The following VIPR2 variants were observed in gnomAD, a reference collection of about 807,000 sequenced individuals.
VIPR2 encodes vasoactive intestinal polypeptide receptor 2.
A neutral mutation model predicts 58.0 loss-of-function variants in VIPR2; 48 were observed. The observed-to-expected ratio is 0.83, with a 90% CI of 0.66 to 1.05. The LOEUF is 1.05. Ranked by LOEUF, VIPR2 falls within the 50% of genes least tolerant of loss-of-function variation. The pLI is 0.00. For missense variants in VIPR2, 534 were observed against 558.0 expected, an observed-to-expected ratio of 0.96 and a Z score of 0.43; for synonymous variants, 243 against 235.2, an observed-to-expected ratio of 1.03 and a Z score of -0.30.
At chr7:159,106,926 T>G (rs1456482993) in intron 3 of VIPR2, among the ~76,000 whole-genome samples, 48 of 92,942 alleles carry the variant, frequency 5.2e-4, no homozygotes, top group South Asian at 7.5e-4. Flanking sequence ...GCCAGGGAGG[T>G]GCAGAGAGAT....
intron 3 of VIPR2, among the ~76,000 whole-genome samples, chr7:159,104,216 G>A (rs1858482181): frequency 6.6e-6 from 1 of 152,158 alleles, no homozygotes; most frequent in Non-Finnish European, 1.5e-5. Flanking sequence ...CTGGAGCCAG[G>A]AGCCCAGCCT....
At chr7:159,057,752 G>A (rs1855405752) in intron 5 of VIPR2, among the ~76,000 whole-genome samples, 1 of 152,104 alleles carries the variant, frequency 6.6e-6, no homozygotes, top group South Asian at 2.1e-4. Flanking sequence ...CTGCCGTTCT[G>A]GGACCAAAAC....
chr7:159,064,465 A>G (rs1476107235), intron 4 of VIPR2, among the ~76,000 whole-genome samples: 1 of 151,924 alleles, frequency 6.6e-6, no homozygotes, highest in African/African-American at 2.4e-5. Flanking sequence ...GTGAGTGAGG[A>G]TGATGGCGGG....
Position 159,100,116 on chromosome 7 carries a change from T to C in VIPR2, c.357+3641A>G, listed in dbSNP as rs149381381. ...ATGTGGTCCCCAGCCAGGCGACTCC[T>C]GCAGGTGCCTTCAACCCACTCAGGG... On this transcript the variant is annotated intron_variant, in intron 4 of 12. Transcript: ENST00000262178. 3.1e-4 allele frequency among the ~76,000 whole-genome samples: 47 copies of C among 152,242 alleles called. No individual in the cohort carries two copies. The East Asian group carries it at 7.2e-3, about 23-fold the overall frequency.
At chr7:159,076,953 C>A (rs947815819) in intron 4 of VIPR2, among the ~76,000 whole-genome samples, 3 of 152,140 alleles carry the variant, frequency 2.0e-5, no homozygotes, top group Non-Finnish European at 4.4e-5. Context: ...CCTGGAGTGG[C>A]TTTTAAAAGT....
chr7:159,045,728 T>C (rs4266597), intron 5 of VIPR2, among the ~76,000 whole-genome samples: 16,424 of 152,178 alleles, frequency 0.11, 953 homozygotes, highest in Middle Eastern at 0.16. Flanking sequence ...TATGTTCTTA[T>C]GTATGATACC....
At chr7:159,083,637 G>A (rs548430469) in intron 4 of VIPR2, among the ~76,000 whole-genome samples, 63 of 152,306 alleles carry the variant, frequency 4.1e-4, no homozygotes, top group African/African-American at 1.2e-3. Context: ...CTGCTGTCCC[G>A]GGCAATCATG....
At chr7:159,080,441 T>A (rs951610027) in intron 4 of VIPR2, among the ~76,000 whole-genome samples, 55 of 151,784 alleles carry the variant, frequency 3.6e-4, no homozygotes, top group African/African-American at 1.3e-3. Flanking sequence ...AAACTCTCAA[T>A]AAATTAGGTA....
chr7:159,036,399 A>G (rs937878391), intron 7 of VIPR2, among the ~76,000 whole-genome samples: 1 of 152,120 alleles, frequency 6.6e-6, no homozygotes, highest in Admixed American at 6.5e-5. Flanking sequence ...AACCCTGGGC[A>G]AGGCAAGGCT....
chr7:159,076,465 T>G (rs538902437), intron 4 of VIPR2, among the ~76,000 whole-genome samples: 41 of 152,354 alleles, frequency 2.7e-4, no homozygotes, highest in African/African-American at 8.9e-4. Flanking sequence ...CTTTAGCCAT[T>G]TGAGCAAATT....
At chr7:159,132,243 GC>G (rs1796942445) in intron 2 of VIPR2, among the ~76,000 whole-genome samples, 1 of 143,392 alleles carries the variant, frequency 7.0e-6, no homozygotes, top group Non-Finnish European at 1.5e-5. Context: ...GGCGCGGGCA[GC>G]CCCCGGGCCA....
At chr7:159,080,316 C>T (rs150066530) in intron 4 of VIPR2, among the ~76,000 whole-genome samples, 2,054 of 152,078 alleles carry the variant, frequency 0.014, 27 homozygotes, top group Admixed American at 0.029. Context: ...GTTCAACATA[C>T]GAAAATCAAT....
chr7:159,061,569 A>G (rs1432961880), intron 4 of VIPR2, among the ~76,000 whole-genome samples: 1 of 151,868 alleles, frequency 6.6e-6, no homozygotes, highest in Non-Finnish European at 1.5e-5. Context: ...TAGGAGGATC[A>G]CCTGTGCCAG....
chr7:159,038,502 G>A (rs2129493165), intron 6 of VIPR2, among the ~76,000 whole-genome samples: 1 of 152,276 alleles, frequency 6.6e-6, no homozygotes. Context: ...TGATAACACA[G>A]CCATGGATGC....
At chr7:159,077,932 A>G (rs946640967) in intron 4 of VIPR2, among the ~76,000 whole-genome samples, 2 of 152,246 alleles carry the variant, frequency 1.3e-5, no homozygotes, top group African/African-American at 4.8e-5. Flanking sequence ...GAACATTTCC[A>G]ATTTTCCCTC....
intron 6 of VIPR2, among the ~76,000 whole-genome samples, chr7:159,040,328 C>T (rs893626948): frequency 3.9e-5 from 6 of 152,386 alleles, no homozygotes; most frequent in African/African-American, 1.4e-4. Flanking sequence ...CCTCCTCAGC[C>T]CCGTGGCCTT....
chr7:159,081,596 A>T (rs527488600), intron 4 of VIPR2, among the ~76,000 whole-genome samples: 1 of 152,354 alleles, frequency 6.6e-6, no homozygotes, highest in South Asian at 2.1e-4. Context: ...AGCAATGGCA[A>T]CAAAAGCCAA....
At chr7:159,070,688 G>A (rs1022937286) in intron 4 of VIPR2, among the ~76,000 whole-genome samples, 11 of 152,200 alleles carry the variant, frequency 7.2e-5, no homozygotes, top group Non-Finnish European at 1.3e-4. Flanking sequence ...GAGCTAGAAA[G>A]TGAGATGAAT....
intron 2 of VIPR2, among the ~76,000 whole-genome samples, chr7:159,138,271 G>A (rs963458025): frequency 2.0e-5 from 3 of 152,204 alleles, no homozygotes; most frequent in African/African-American, 7.2e-5. Flanking sequence ...CTCTGACAAA[G>A]AGAAACAAGC....
Sources: gnomAD v4.1 joint callset for allele counts (sites outside exome capture counted in the v4.1 genomes callset) on GRCh38, gnomAD v4.1.1 for gene constraint, MANE v1.5 for transcripts, NCBI Gene and HGNC (gene_info 2026-07-23, HGNC 2026-07-21) for gene names.